FBN1: variants seen among roughly 807,000 people sequenced by gnomAD.
The protein encoded by FBN1 is fibrillin-1.
Under a neutral mutation model 365.1 loss-of-function variants are expected in FBN1, and 29 were observed. That is an observed-to-expected ratio of 0.08 (90% CI 0.06 to 0.11). The LOEUF is 0.11. Ranked by LOEUF, FBN1 falls within the 10% of genes least tolerant of loss-of-function variation. FBN1 has a pLI of 1.00. For synonymous variants in FBN1, 1,210 were observed against 1,270.5 expected (o/e 0.95, Z 1.01); for missense variants, 2,476 against 3,703.2 (o/e 0.67, Z 8.60).
At chr15:48,531,109 C>T (rs1482421244) in intron 8 of FBN1, among the ~76,000 whole-genome samples, 1 of 149,504 alleles carries the variant, frequency 6.7e-6, no homozygotes, top group East Asian at 2.0e-4. Flanking sequence ...TGAACTCTTT[C>T]CTTTTTTCTC....
At chr15:48,609,223 C>T (rs1678982) in intron 4 of FBN1, among the ~76,000 whole-genome samples, 3 of 152,148 alleles carry the variant, frequency 2.0e-5, no homozygotes, top group Non-Finnish European at 2.9e-5. Flanking sequence ...TGCTATTACT[C>T]GGAAGATGCA....
chr15:48,592,847 T>C (rs1291598943), intron 6 of FBN1, among the ~76,000 whole-genome samples: 1 of 152,136 alleles, frequency 6.6e-6, no homozygotes, highest in Admixed American at 6.5e-5. Context: ...AGAAGATGTA[T>C]TTAAAGGTAT....
intron 6 of FBN1, among the ~76,000 whole-genome samples, chr15:48,559,242 C>A (rs1268433560): frequency 6.6e-6 from 1 of 152,136 alleles, no homozygotes; most frequent in Non-Finnish European, 1.5e-5. Flanking sequence ...GCTAGTACAG[C>A]CTGTTTCCTT....
intron 2 of FBN1, among the ~76,000 whole-genome samples, chr15:48,631,425 A>C (rs991410067): frequency 2.6e-5 from 4 of 152,194 alleles, no homozygotes; most frequent in Non-Finnish European, 5.9e-5. Context: ...GAGTGGGTGG[A>C]GGGAATACTG....
At chr15:48,574,515 G>A (rs1353609624) in intron 6 of FBN1, among the ~76,000 whole-genome samples, 1 of 151,962 alleles carries the variant, frequency 6.6e-6, no homozygotes, top group African/African-American at 2.4e-5. Flanking sequence ...AGTAGGAAGT[G>A]GTTAATGATC....
chr15:48,498,922 C>T, intron 18 of FBN1, 63 bp downstream of exon 18: 1 of 1,507,978 alleles, frequency 6.6e-7, no homozygotes, highest in Non-Finnish European at 9.2e-7. Flanking sequence ...TGGAAACCCA[C>T]AAGAAAGCCT....
chr15:48,427,182 T>C (rs2042984717), intron 58 of FBN1, among the ~76,000 whole-genome samples: 7 of 152,232 alleles, frequency 4.6e-5, no homozygotes, highest in Admixed American at 4.6e-4. Flanking sequence ...TTTTATGCAA[T>C]ACAGTTTGGC....
intron 6 of FBN1, among the ~76,000 whole-genome samples, chr15:48,563,859 TA>T (rs1221280778): frequency 1.3e-5 from 2 of 152,178 alleles, no homozygotes; most frequent in African/African-American, 4.8e-5. Context: ...AGAACAATTT[TA>T]AAAATGCAGA....
At chr15:48,493,259 T>G (rs2094834254) in intron 23 of FBN1, among the ~76,000 whole-genome samples, 1 of 152,070 alleles carries the variant, frequency 6.6e-6, no homozygotes, top group Non-Finnish European at 1.5e-5. Flanking sequence ...TGCACTTAAT[T>G]TGGAAAAGTA....
Position 48,516,302 on chromosome 15 carries a change from G to T in FBN1, c.1208C>A (p.Pro403His). The part of the protein sequence containing the change: ...MVIPGRPEYP[P>H]PPLGPIPPVL... ...TGGAGGAATGGGGCCAAGGGGTGGG[G>T]GAGGATATTCTGGTCTCCCAGGAAT... The change falls in exon 11 of 66, where the codon CCC becomes CAC. Residue 403 changes from proline to histidine, a missense_variant. Physicochemically the swap from Pro to His is moderately conservative, Grantham distance 77 (BLOSUM62 -2). Around this residue, in one of 5 missense-constraint regions of FBN1, gnomAD observed 421 missense variants for 520.1 expected, o/e 0.81. Coordinates refer to ENST00000316623, the MANE Select transcript of FBN1 (RefSeq NM_000138.5). 1.2e-6 allele frequency: 2 copies of T among 1,613,866 alleles called. No homozygotes were observed. The highest frequency in any genetic ancestry group is 2.2e-5 in the East Asian group (1 of 44,874).
Position 48,425,509 on chromosome 15 carries a change from C to T in FBN1, c.7331-18G>A. The T allele has an allele frequency of 6.2e-7, 1 of 1,613,930 alleles. No homozygotes were observed. Among genetic ancestry groups the T allele is most frequent in the Non-Finnish European group, 8.5e-7 (1 of 1,179,982 alleles). ...GTTCAGATCTATGATCAAAGAAATA[C>T]AGCGTGACTGTGCATCTAAAAATGA... On this transcript the variant is annotated intron_variant, in intron 59 of 65. Transcript: ENST00000316623.
chr15:48,486,938 A>G, intron 29 of FBN1, 137 bp downstream of exon 29: 4 of 592,712 alleles, frequency 6.7e-6, no homozygotes, highest in Non-Finnish European at 1.0e-5. Flanking sequence ...AAGTAAAAGT[A>G]GCGATGAAAA....
intron 44 of FBN1, among the ~76,000 whole-genome samples, chr15:48,453,294 C>CAAACAAAAAAAAAAAAAAACAAA (rs2043215612): frequency 1.7e-5 from 1 of 58,472 alleles, no homozygotes; most frequent in Non-Finnish European, 4.5e-5. Context: ...ATAAAACAAA[C>CAAACAAAAAAAAAAAAAAACAAA]AAAAAAAAAA....
chr15:48,417,640 T>C (rs1239885984), intron 63 of FBN1, among the ~76,000 whole-genome samples: 1 of 152,122 alleles, frequency 6.6e-6, no homozygotes, highest in African/African-American at 2.4e-5. Context: ...ATATAAATAA[T>C]AATTTTATCT....
chr15:48,430,735 A>C lies in FBN1; in HGVS notation c.6807T>G (p.Ile2269Met). The change falls in exon 56 of 66, where the codon ATT (isoleucine) becomes ATG (methionine). Residue 2269 changes from isoleucine to methionine, a missense_variant. Coordinates refer to ENST00000316623, the MANE Select transcript of FBN1 (RefSeq NM_000138.5). ...TEKQMECKNL[I>M]GTYMCICGPG... ...GTCCACAGATGCACATATATGTGCC[A>C]ATGAGGTTCTTGCATTCCATTTGTT... 1 of 1,613,588 alleles carries C rather than the reference A, an allele frequency of 6.2e-7. No homozygotes were observed. The highest frequency in any genetic ancestry group is 8.5e-7 in the Non-Finnish European group (1 of 1,179,518).
chr15:48,562,352 A>C (rs2044228879), intron 6 of FBN1, among the ~76,000 whole-genome samples: 2 of 152,188 alleles, frequency 1.3e-5, no homozygotes, highest in African/African-American at 4.8e-5. Flanking sequence ...CTGAAAGAGC[A>C]TGTAACACAG....
At chr15:48,503,312 A>AAG (rs1555399732) in intron 17 of FBN1, among the ~76,000 whole-genome samples, 1 of 145,248 alleles carries the variant, frequency 6.9e-6, no homozygotes, top group Non-Finnish European at 1.5e-5. Context: ...AAAAAAAAAA[A>AAG]AAGAAGAAGA....
At chr15:48,423,330 G>A (rs1324264187) in intron 60 of FBN1, among the ~76,000 whole-genome samples, 1 of 152,132 alleles carries the variant, frequency 6.6e-6, no homozygotes, top group Middle Eastern at 3.2e-3. Context: ...CCTGGCTAGA[G>A]TAACATCTGG....
chr15:48,480,289 C>T (rs2043456262), intron 32 of FBN1, among the ~76,000 whole-genome samples: 1 of 152,138 alleles, frequency 6.6e-6, no homozygotes, highest in Non-Finnish European at 1.5e-5. Flanking sequence ...AAACATAATA[C>T]AGAACTATCT....
Sources: gnomAD v4.1 joint callset for allele counts (sites outside exome capture counted in the v4.1 genomes callset) on GRCh38, gnomAD v4.1.1 for gene constraint, gnomAD v4.1.1 regional missense constraint, MANE v1.5 for transcripts, NCBI Gene and HGNC (gene_info 2026-07-23, HGNC 2026-07-21) for gene names.